Variants in UTRN observed in about 807,000 individuals in gnomAD.
UTRN encodes utrophin, also known as dystrophin-related protein 1.
UTRN carries 283 observed loss-of-function variants against 463.9 expected under a neutral mutation model. The observed-to-expected ratio is 0.61, with a 90% CI of 0.55 to 0.67. The LOEUF (loss-of-function observed/expected upper bound fraction) is 0.67. UTRN is among the 30% of genes least tolerant of loss of function. The probability of loss-of-function intolerance (pLI) is 0.00; values close to 1 mark genes in which losing one functional copy is unlikely to be tolerated. For synonymous variants in UTRN, 1,442 were observed against 1,431.5 expected (o/e 1.01, Z -0.17); for missense variants, 3,922 against 4,084.3 (o/e 0.96, Z 1.08).
intron 66 of UTRN, among the ~76,000 whole-genome samples, chr6:144,824,600 A>ATATC (rs1779958815): frequency 7.4e-5 from 3 of 40,776 alleles, no homozygotes; most frequent in Non-Finnish European, 1.1e-4. Flanking sequence ...ATATATATAT[A>ATATC]TATATATATA....
intron 2 of UTRN, among the ~76,000 whole-genome samples, chr6:144,304,332 T>C (rs1375435007): frequency 1.3e-5 from 2 of 152,206 alleles, no homozygotes; most frequent in Non-Finnish European, 2.9e-5. Flanking sequence ...TAAGAGACTT[T>C]TGCATAGTAC....
At chr6:144,287,779 C>G (rs190222986) in intron 1 of UTRN, among the ~76,000 whole-genome samples, 9 of 152,278 alleles carry the variant, frequency 5.9e-5, no homozygotes, top group Admixed American at 5.2e-4. Context: ...ATCGACTTGA[C>G]TGGATTGGTT....
rs184037571 is a variant in UTRN, at chr6:144,515,044, G to A, written c.5244+224G>A. 1.2e-3 allele frequency among the ~76,000 whole-genome samples: 189 copies of A among 152,118 alleles called. 1 individual carries two copies. Among genetic ancestry groups the A allele is most frequent in the Middle Eastern group, 0.01 (3 of 294 alleles). On this transcript the variant is annotated intron_variant, in intron 37 of 74. Coordinates refer to ENST00000367545, the MANE Select transcript of UTRN (RefSeq NM_007124.3). ...AGCCACCCAAGTAGCTGGGATTTCC[G>A]GCAACTGCCACCACACCCAGCTAAT...
intron 51 of UTRN, among the ~76,000 whole-genome samples, chr6:144,653,668 C>T (rs901332554): frequency 2.6e-5 from 4 of 152,040 alleles, no homozygotes; most frequent in African/African-American, 7.2e-5. Context: ...ACTTGTTTAC[C>T]CAGTTACCTT....
At chr6:144,850,548 C>G (rs529019288) in intron 74 of UTRN, among the ~76,000 whole-genome samples, 1 of 152,254 alleles carries the variant, frequency 6.6e-6, no homozygotes, top group African/African-American at 2.4e-5. Flanking sequence ...CCACTAAACA[C>G]CCTTGGGTTA....
At chr6:144,811,169 C>T (rs576613663) in intron 65 of UTRN, among the ~76,000 whole-genome samples, 58 of 152,014 alleles carry the variant, frequency 3.8e-4, no homozygotes, top group Admixed American at 1.4e-3. Context: ...ACAAAACACC[C>T]GAAAAGAACA....
chr6:144,380,547 A>C (rs1157644753), intron 2 of UTRN, among the ~76,000 whole-genome samples: 1 of 152,238 alleles, frequency 6.6e-6, no homozygotes, highest in African/African-American at 2.4e-5. Flanking sequence ...ATATTGGCTC[A>C]TGCCTGCAAT....
In UTRN at chr6:144,836,729, A is replaced by G. The variant is rs1781139365; in HGVS notation, c.10065+188A>G. On this transcript the variant is annotated intron_variant, in intron 71 of 74. Transcript: ENST00000367545. ...TATAAATCCTCATTGGCACACAAAA[A>G]TGTGTTTGCCCAGCTTACAATGGAA... 6.9e-6 allele frequency: 6 copies of G among 870,578 alleles called. No homozygotes were observed. The Admixed American group carries it at 1.5e-4, about 22-fold the overall frequency. 53.9% of individuals were successfully genotyped at this position (870,578 alleles called of 1,614,324 possible). A position where few individuals can be genotyped will look rare whatever the true frequency, so the allele number is the denominator to read the frequency against.
At chr6:144,616,510 C>T (rs966104421) in intron 51 of UTRN, among the ~76,000 whole-genome samples, 2 of 148,654 alleles carry the variant, frequency 1.3e-5, no homozygotes, top group Non-Finnish European at 3.0e-5. Flanking sequence ...GTGGTTACTT[C>T]GGAAATTTGT....
At chr6:144,629,441 C>T (rs1776290408) in intron 51 of UTRN, among the ~76,000 whole-genome samples, 1 of 152,158 alleles carries the variant, frequency 6.6e-6, no homozygotes, top group Admixed American at 6.5e-5. Context: ...ACATGGACAG[C>T]ATGAAGAATC....
intron 51 of UTRN, among the ~76,000 whole-genome samples, chr6:144,594,465 C>G (rs1803441037): frequency 6.6e-6 from 1 of 152,104 alleles, no homozygotes; most frequent in Non-Finnish European, 1.5e-5. Context: ...GAATTTGGGA[C>G]TATACCTTGT....
chr6:144,825,260 A>G (rs1040769285), intron 66 of UTRN, among the ~76,000 whole-genome samples: 1 of 152,174 alleles, frequency 6.6e-6, no homozygotes, highest in Non-Finnish European at 1.5e-5. Context: ...TCACCTGTTC[A>G]GCCCCCATGC....
intron 46 of UTRN, among the ~76,000 whole-genome samples, chr6:144,544,717 T>C (rs1236729250): frequency 1.3e-5 from 2 of 152,146 alleles, no homozygotes; most frequent in Non-Finnish European, 2.9e-5. Context: ...AAAAAACCTT[T>C]TTCGTTTTCC....
intron 25 of UTRN, among the ~76,000 whole-genome samples, chr6:144,475,978 A>C (rs973088358): frequency 6.0e-5 from 9 of 150,614 alleles, no homozygotes; most frequent in African/African-American, 2.2e-4. Flanking sequence ...TAGGAGGCTG[A>C]GGTGGGAGGA....
At chr6:144,379,340 T>C (rs1194982054) in intron 2 of UTRN, among the ~76,000 whole-genome samples, 1 of 152,206 alleles carries the variant, frequency 6.6e-6, no homozygotes, top group African/African-American at 2.4e-5. Context: ...TGTCATGAGA[T>C]TGCACTCAAG....
chr6:144,653,685 G>A (rs1360727761), intron 51 of UTRN, among the ~76,000 whole-genome samples: 6 of 151,914 alleles, frequency 3.9e-5, no homozygotes, highest in Non-Finnish European at 8.8e-5. Context: ...CCTTTTCATG[G>A]ACATATAGAT....
chr6:144,515,664 A>C (rs941470307), intron 37 of UTRN, among the ~76,000 whole-genome samples: 3 of 152,196 alleles, frequency 2.0e-5, no homozygotes, highest in African/African-American at 7.2e-5. Flanking sequence ...CCAACCCCAG[A>C]TGGTATTTAT....
chr6:144,617,855 T>C (rs779159009), intron 51 of UTRN, among the ~76,000 whole-genome samples: 1 of 152,158 alleles, frequency 6.6e-6, no homozygotes, highest in Non-Finnish European at 1.5e-5. Flanking sequence ...TCAAATTTAC[T>C]GCTACCCACT....
chr6:144,836,397 C>T lies in UTRN; in HGVS notation c.9921C>T (p.His3307=). 6 of 1,612,624 alleles carry T rather than the reference C, an allele frequency of 3.7e-6. No homozygotes were observed. Among genetic ancestry groups the T allele is most frequent in the Non-Finnish European group, 5.1e-6 (6 of 1,179,004 alleles). The change falls in exon 71 of 75, where the codon CAC becomes CAT. Residue 3307 remains histidine (H), a synonymous_variant. Coordinates refer to ENST00000367545, the MANE Select transcript of UTRN (RefSeq NM_007124.3). ...CAGAGTCGATTATATCTCCCCATCA[C>T]ACGTCTGAGGATTCAGAACTTATAG... ...SPPESIISPH[H]TSEDSELIAE... is the part of the protein sequence containing the mutation.
Sources: allele counts gnomAD v4.1 joint callset (sites outside exome capture counted in the v4.1 genomes callset), GRCh38; gene constraint gnomAD v4.1.1; transcripts MANE v1.5; gene names NCBI Gene and HGNC (gene_info 2026-07-23, HGNC 2026-07-21).